RTKN: variants seen among roughly 807,000 people sequenced by gnomAD.
RTKN encodes the protein rhotekin.
RTKN carries 49 observed loss-of-function variants against 63.5 expected under a neutral mutation model. The ratio of observed to expected loss-of-function variants is 0.77; its 90% CI spans 0.61 to 0.98. The LOEUF is 0.98. Ranked by LOEUF, RTKN falls within the 50% of genes least tolerant of loss-of-function variation. The probability of loss-of-function intolerance (pLI) is 0.00; values close to 1 mark genes in which losing one functional copy is unlikely to be tolerated. For missense variants in RTKN, 685 were observed against 740.8 expected (o/e 0.92, Z 0.87); for synonymous variants, 295 against 290.4 (o/e 1.02, Z -0.16).
chr2:74,428,665 G>C lies in RTKN; in HGVS notation c.923C>G (p.Thr308Ser), dbSNP rs761179920. The C allele has an allele frequency of 3.1e-6, 5 of 1,614,026 alleles. No homozygotes were observed. Among genetic ancestry groups the C allele is most frequent in the Non-Finnish European group, 4.2e-6 (5 of 1,179,980 alleles). ...CRLAAQPLCM[T>S]QPTASGTLRV... ...GAGGGTACCACTTGCAGTGGGCTGA[G>C]TCATGCAGAGAGGCTGAGCTGCCAG... is the stretch of plus-strand genomic sequence containing the variant. Residue 308 changes from threonine to serine, a missense_variant, in exon 8 of 12, where the codon ACT becomes AGT. Physicochemically the swap from Thr to Ser is moderately conservative, Grantham distance 58. Transcript: ENST00000272430.
At chr2:74,430,168 A>G (rs1012934401) in intron 5 of RTKN, 84 bp downstream of exon 5, 7 of 1,526,444 alleles carry the variant, frequency 4.6e-6, no homozygotes, top group Admixed American at 1.7e-5. Flanking sequence ...CCCTGCCCCC[A>G]TCCCAGCTTC....
In RTKN at chr2:74,436,289, C is replaced by T. The variant is rs1322232859; in HGVS notation, c.112-3623G>A. 6.6e-6 allele frequency among the ~76,000 whole-genome samples: 1 copy of T among 152,242 alleles called. No individual in the cohort carries two copies. The highest frequency in any genetic ancestry group is 2.4e-5 in the African/African-American group (1 of 41,474). On this transcript the variant is annotated intron_variant, in intron 1 of 11. Transcript: ENST00000272430. This position sits in a 1 kb window ranked among gnomAD's most constrained non-coding sequence, Gnocchi z 4.3. ...GGGAGCCGGCTGGGTCCGAGGGCCG[C>T]GGGAAATCGGAGGAGCCAGGGCGCC...
At chr2:74,439,785 C>T (rs1290585930) in intron 1 of RTKN, 2 of 1,446,970 alleles carry the variant, frequency 1.4e-6, no homozygotes, top group Admixed American at 4.7e-5. Flanking sequence ...CTCTGCACTC[C>T]TGTTAAACCC....
chr2:74,433,255 A>C (rs1272412582), intron 1 of RTKN, among the ~76,000 whole-genome samples: 38 of 149,346 alleles, frequency 2.5e-4, no homozygotes, highest in African/African-American at 9.3e-4. Context: ...AAAAAAAAAA[A>C]ACATATATAT....
In RTKN at chr2:74,428,265, C is replaced by T. The variant is rs369742316; in HGVS notation, c.1086+3G>A. The T allele has an allele frequency of 1.7e-5, 28 of 1,614,024 alleles. No homozygotes were observed. The highest frequency in any genetic ancestry group is 1.1e-4 in the East Asian group (5 of 44,876). ...GTGGCCTTACTACCAAGGGACCCAT[C>T]ACCTTGTTGACAGCAATAGTAAGCA... On this transcript the variant is annotated splice_donor_region_variant and intron_variant, in intron 9 of 11. Coordinates refer to ENST00000272430, the MANE Select transcript of RTKN (RefSeq NM_001015055.2).
Position 74,426,269 on chromosome 2 carries a change from G to A in RTKN, c.1666C>T (p.Arg556Cys), listed in dbSNP as rs1253780029. ...CACACTGGTGACTGGAGCCAAGTGC[G>A]AGGTTGGCCTTTGCTGCAGAGGCCT... ...TRGLCSKGQP[R>C]TWLQSPV The change falls in exon 12 of 12, where the codon CGC becomes TGC. Residue 556 changes from arginine to cysteine, a missense_variant. Coordinates refer to ENST00000272430, the MANE Select transcript of RTKN (RefSeq NM_001015055.2). 8.1e-6 allele frequency: 13 copies of A among 1,614,124 alleles called. No homozygotes were observed. Among genetic ancestry groups the A allele is most frequent in the Admixed American group, 1.7e-5 (1 of 60,020 alleles).
Position 74,430,389 on chromosome 2 carries a change from C to G in RTKN, c.428-20G>C. 3.1e-6 allele frequency: 5 copies of G among 1,613,878 alleles called. No individual in the cohort carries two copies. Among genetic ancestry groups the G allele is most frequent in the Non-Finnish European group, 4.2e-6 (5 of 1,179,740 alleles). The stretch of plus-strand genomic sequence containing the variant: ...GCAAGTCTGGGGACAAAGGGCAAAA[C>G]AAAAAACACGTCCCACGAGAGCCTC... On this transcript the variant is annotated intron_variant, in intron 4 of 11. Coordinates refer to ENST00000272430, the MANE Select transcript of RTKN (RefSeq NM_001015055.2).
At chr2:74,432,297 T>C (rs768218261) in intron 2 of RTKN, 170 bp downstream of exon 2, 1 of 754,156 alleles carries the variant, frequency 1.3e-6, no homozygotes. Flanking sequence ...AATGCGCCTC[T>C]GGGCAACACA....
At chr2:74,429,002 T>G in intron 6 of RTKN, 60 bp from the exon 7 acceptor site, 20 of 1,371,252 alleles carry the variant, frequency 1.5e-5, no homozygotes, top group African/African-American at 2.8e-5. Flanking sequence ...GCAGGAACTC[T>G]AAGGGCTGAG....
intron 1 of RTKN, chr2:74,440,476 G>A: frequency 1.0e-6 from 1 of 986,702 alleles, no homozygotes; most frequent in Non-Finnish European, 1.2e-6. Context: ...CCGATTCCGA[G>A]CCAGCTGCAG....
Position 74,439,636 on chromosome 2 carries a change from G to A in RTKN, c.111+2070C>T, listed in dbSNP as rs1183206780. 7 of 1,613,820 alleles carry A rather than the reference G, an allele frequency of 4.3e-6. No individual in the cohort carries two copies. In the East Asian group the frequency reaches 1.1e-4, roughly 26 times the overall value. ...TCTGTCCTGCATCTCTGTGCCCCCC[G>A]GTGCCCTTTCCCTTGTCAACCCCTC... On this transcript the variant is annotated intron_variant, in intron 1 of 11. Transcript: ENST00000272430.
In RTKN at chr2:74,426,223, T is replaced by C. The variant is rs1291012833; in HGVS notation, c.*20A>G. 1 of 1,607,900 alleles carries C rather than the reference T, an allele frequency of 6.2e-7. No individual in the cohort carries two copies. The highest frequency in any genetic ancestry group is 8.5e-7 in the Non-Finnish European group (1 of 1,174,690). On this transcript the variant is annotated 3_prime_UTR_variant, in exon 12 of 12. Transcript: ENST00000272430. ...GTCATTTTCTCTTCTGGGCAGATCC[T>C]ATGCCAGCACCTTTCTCTCTCACAC...
chr2:74,428,464 T>A, intron 8 of RTKN, 68 bp from the exon 9 acceptor site: 2 of 1,612,152 alleles, frequency 1.2e-6, no homozygotes, highest in Non-Finnish European at 1.7e-6. Context: ...CAGCCCCCCA[T>A]GAGAACCTGT....
chr2:74,439,863 G>A lies in RTKN; in HGVS notation c.111+1843C>T, dbSNP rs921859066. ...GGGGCCCTGCCGGGAGCCAGGCAGG[G>A]AAGAAAAAGAAAGCGAAGTGAGGAT... On this transcript the variant is annotated intron_variant, in intron 1 of 11. Transcript: ENST00000272430. The A allele has an allele frequency of 1.9e-5, 25 of 1,349,708 alleles. No individual in the cohort carries two copies. In the African/African-American group the frequency reaches 2.0e-4, roughly 11 times the overall value. 83.6% of individuals were successfully genotyped at this position (1,349,708 alleles called of 1,614,324 possible). A position where few individuals can be genotyped will look rare whatever the true frequency, so the allele number is the denominator to read the frequency against.
At chr2:74,428,477 GT>G in intron 8 of RTKN, 81 bp from the exon 9 acceptor site, 1 of 1,608,460 alleles carries the variant, frequency 6.2e-7, no homozygotes, top group East Asian at 2.2e-5. Flanking sequence ...GAACCTGTTC[GT>G]TTTGTCCACC....
chr2:74,433,116 G>A (rs1014489957), intron 1 of RTKN, among the ~76,000 whole-genome samples: 23 of 151,946 alleles, frequency 1.5e-4, no homozygotes, highest in South Asian at 2.1e-4. Flanking sequence ...GGTGGCGGGC[G>A]CCTGTAGTCC....
At chr2:74,434,408 T>C (rs1265515254) in intron 1 of RTKN, among the ~76,000 whole-genome samples, 1 of 151,264 alleles carries the variant, frequency 6.6e-6, no homozygotes, top group Non-Finnish European at 1.5e-5. Context: ...GCCTCCGGAG[T>C]AGCTGGGATT....
chr2:74,426,446 A>G lies in RTKN; in HGVS notation c.1489T>C (p.Ser497Pro). Residue 497 changes from serine (S) to proline (P), a missense_variant, in exon 12 of 12, where the codon TCG becomes CCG. Coordinates refer to ENST00000272430, the MANE Select transcript of RTKN (RefSeq NM_001015055.2). ...TDQPALPNPC[S>P]PASVAPAPDW... ...GGGGCTGGGGCCACTGAGGCAGGCG[A>G]GCAGGGGTTAGGCAGGGCAGGCTGG... 1 of 1,612,278 alleles carries G rather than the reference A, an allele frequency of 6.2e-7. No homozygotes were observed.
chr2:74,429,796 G>A lies in RTKN; in HGVS notation c.755+32C>T, dbSNP rs770272522. On this transcript the variant is annotated intron_variant, in intron 6 of 11. Coordinates refer to ENST00000272430, the MANE Select transcript of RTKN (RefSeq NM_001015055.2). ...GTCACCTGTGGGCAGAATACAGGCA[G>A]CTGAGGGTGGTGTCGGTGTGCAAGG... 9.4e-6 allele frequency: 15 copies of A among 1,594,154 alleles called. No homozygotes were observed. In the South Asian group the frequency reaches 1.7e-4, roughly 18 times the overall value.
Sources: allele counts gnomAD v4.1 joint callset (sites outside exome capture counted in the v4.1 genomes callset), GRCh38; gene constraint gnomAD v4.1.1; non-coding constraint Gnocchi (gnomAD v3.1); transcripts MANE v1.5; gene names NCBI Gene and HGNC (gene_info 2026-07-23, HGNC 2026-07-21).